Variants in XRCC2 observed in about 807,000 individuals in gnomAD.
XRCC2 encodes DNA repair protein XRCC2.
XRCC2 carries 24 observed loss-of-function variants against 27.3 expected under a neutral mutation model. The observed-to-expected ratio is 0.88, with a 90% CI of 0.64 to 1.24. XRCC2 has a LOEUF of 1.24. Among genes scored for constraint, XRCC2 ranks in the 50% most tolerant of loss-of-function variants. The pLI is 0.00. For synonymous variants in XRCC2, 106 were observed against 115.4 expected (o/e 0.92, Z 0.52); for missense variants, 321 against 325.8 (o/e 0.99, Z 0.11).
intron 1 of XRCC2, among the ~76,000 whole-genome samples, chr7:152,664,991 T>C (rs1432893975): frequency 6.6e-6 from 1 of 152,022 alleles, no homozygotes; most frequent in African/African-American, 2.4e-5. Context: ...ACGGGAAAAT[T>C]GCCCTACACG....
intron 2 of XRCC2, among the ~76,000 whole-genome samples, chr7:152,653,001 C>G (rs1030327534): frequency 2.0e-5 from 3 of 152,246 alleles, no homozygotes; most frequent in African/African-American, 7.2e-5. Flanking sequence ...GGTGCTCACA[C>G]TTAGCGTGGT....
At chr7:152,653,265 C>T (rs59879339) in intron 2 of XRCC2, among the ~76,000 whole-genome samples, 10,535 of 152,114 alleles carry the variant, frequency 0.069, 437 homozygotes, top group Middle Eastern at 0.12. Flanking sequence ...TTGCCTTCTG[C>T]AATGATTGTG....
chr7:152,649,385 C>A, intron 2 of XRCC2, 22 bp from the exon 3 acceptor site: 1 of 1,535,054 alleles, frequency 6.5e-7, no homozygotes, highest in South Asian at 1.3e-5. Context: ...TTAAAAATCT[C>A]AGTCAAAATG....
chr7:152,648,795 T>C lies in XRCC2; in HGVS notation c.690A>G (p.Ala230=), dbSNP rs2116987196. ...TCCTGTGCTTCACCAGTTGCTGCCA[T>C]GCCTTACAGAGATAAGGTCTGTAGT... The part of the protein sequence containing the change: ...DIDYRPYLCK[A]WQQLVKHRMF... The change falls in exon 3 of 3, where the codon GCA becomes GCG. Residue 230 remains alanine (A), a synonymous_variant. Transcript: ENST00000359321. 1 of 1,614,232 alleles carries C rather than the reference T, an allele frequency of 6.2e-7. No individual in the cohort carries two copies.
chr7:152,662,486 C>T (rs986526711), intron 1 of XRCC2, among the ~76,000 whole-genome samples: 3 of 149,176 alleles, frequency 2.0e-5, no homozygotes, highest in African/African-American at 7.4e-5. Context: ...TGGGAATCAG[C>T]ACAGATTTGA....
rs893159222 is a variant in XRCC2 at position 152,648,458 on chromosome 7, C to T, written c.*184G>A. 14 of 493,982 alleles carry T rather than the reference C, an allele frequency of 2.8e-5. No homozygotes were observed. The highest frequency in any genetic ancestry group is 1.2e-4 in the South Asian group (2 of 16,920). The allele number at this position is 493,982 out of a possible 1,614,324, so 30.6% of individuals were successfully genotyped here. On this transcript the variant is annotated 3_prime_UTR_variant, in exon 3 of 3. Coordinates refer to ENST00000359321, the MANE Select transcript of XRCC2 (RefSeq NM_005431.2). Reference sequence around the variant, plus strand: ...ACTTTTGGCCACGAGCAGTGGCTCACGCCTGTAATCCCTGCACTCTAGGAG... The same window carrying T: ...ACTTTTGGCCACGAGCAGTGGCTCATGCCTGTAATCCCTGCACTCTAGGAG...
At chr7:152,675,809 G>A (rs1313643899) in intron 1 of XRCC2, among the ~76,000 whole-genome samples, 1 of 152,090 alleles carries the variant, frequency 6.6e-6, no homozygotes, top group Non-Finnish European at 1.5e-5. Context: ...CTCCACCTCC[G>A]CCCGGTCCTC....
rs1052878589 is a variant in XRCC2 at position 152,645,870 on chromosome 7, T to C, written c.*2772A>G. On this transcript the variant is annotated 3_prime_UTR_variant, in exon 3 of 3. Transcript: ENST00000359321. ...AGTTCGAGGCTGCAGTGAGTTATGA[T>C]GCCACTGCACTCCAGCCTGGGCAAC... 1 of 152,112 alleles carries C rather than the reference T, an allele frequency of 6.6e-6. No individual in the cohort carries two copies. The highest frequency in any genetic ancestry group is 1.5e-5 in the Non-Finnish European group (1 of 68,020). The allele number at this position is 152,112 out of a possible 1,614,324, so 9.4% of individuals were successfully genotyped here.
rs549018609 is a variant in XRCC2, at chr7:152,661,333, G to T, written c.40-551C>A. 5.3e-5 allele frequency among the ~76,000 whole-genome samples: 8 copies of T among 152,256 alleles called. No homozygotes were observed. In the East Asian group the frequency reaches 1.5e-3, roughly 29 times the overall value. On this transcript the variant is annotated intron_variant, in intron 1 of 2. Transcript: ENST00000359321. ...TTAGGATATAAGACAAACTGCTATG[G>T]CAAAATTTTTACCTTCCTTGTAATT...
chr7:152,675,230 G>A (rs2098040390), intron 1 of XRCC2, among the ~76,000 whole-genome samples: 1 of 151,898 alleles, frequency 6.6e-6, no homozygotes. Context: ...GACTGTCTCC[G>A]CTCTGAATGT....
At chr7:152,660,912 T>A in intron 1 of XRCC2, 130 bp from the exon 2 acceptor site, 1 of 742,676 alleles carries the variant, frequency 1.3e-6, no homozygotes, top group African/African-American at 1.8e-5. Flanking sequence ...CTCACACCTG[T>A]AATCCCAATA....
At chr7:152,673,731 C>T (rs900291807) in intron 1 of XRCC2, among the ~76,000 whole-genome samples, 2 of 151,984 alleles carry the variant, frequency 1.3e-5, no homozygotes, top group East Asian at 1.9e-4. Context: ...AATAAATTAG[C>T]CGGGCATGGT....
intron 2 of XRCC2, among the ~76,000 whole-genome samples, chr7:152,658,589 T>A (rs1012975962): frequency 6.6e-6 from 1 of 152,166 alleles, no homozygotes; most frequent in African/African-American, 2.4e-5. Flanking sequence ...ATGACTCCCT[T>A]CCCCCGCCTC....
rs1491005602 is a variant in XRCC2 at position 152,663,853 on chromosome 7, C to CA, written c.40-3072_40-3071insT. 6.6e-5 allele frequency: 10 copies of CA among 152,166 alleles called. No homozygotes were observed. In the East Asian group the frequency reaches 1.9e-3, roughly 29 times the overall value. 9.4% of individuals were successfully genotyped at this position (152,166 alleles called of 1,614,324 possible). Reference sequence around the variant, plus strand: ...GACCCTGTCCCCCTGCCCCCCCCCCCCAAAAATAGTCTCTGTTTACAAGAG... The same window carrying CA: ...GACCCTGTCCCCCTGCCCCCCCCCCCACAAAAATAGTCTCTGTTTACAAGAG... On this transcript the variant is annotated intron_variant, in intron 1 of 2. Coordinates refer to ENST00000359321, the MANE Select transcript of XRCC2 (RefSeq NM_005431.2).
chr7:152,670,482 C>G (rs1169987319), intron 1 of XRCC2, among the ~76,000 whole-genome samples: 1 of 152,184 alleles, frequency 6.6e-6, no homozygotes, highest in Admixed American at 6.6e-5. Context: ...TTGATGCAAA[C>G]CTCTATTACA....
chr7:152,672,750 T>C (rs1203322201), intron 1 of XRCC2, among the ~76,000 whole-genome samples: 1 of 152,228 alleles, frequency 6.6e-6, no homozygotes, highest in African/African-American at 2.4e-5. Context: ...ATTGGAATTT[T>C]CTGCCATGTA....
At chr7:152,664,649 C>T (rs2098034806) in intron 1 of XRCC2, among the ~76,000 whole-genome samples, 1 of 152,166 alleles carries the variant, frequency 6.6e-6, no homozygotes, top group African/African-American at 2.4e-5. Context: ...CTGAATTACA[C>T]CACAGGCTTT....
At position 152,647,694 on chromosome 7, in the gene XRCC2, A is replaced by T. The variant is rs536089713; in HGVS notation, c.*948T>A. ...CTTGTTTTTGTCAGGTTCATCGAAG[A>T]TCAAAAAAATTATAGGTGTGTGGTC... On this transcript the variant is annotated 3_prime_UTR_variant, in exon 3 of 3. Coordinates refer to ENST00000359321, the MANE Select transcript of XRCC2 (RefSeq NM_005431.2). 6.6e-6 allele frequency: 1 copy of T among 152,322 alleles called. No individual in the cohort carries two copies. The highest frequency in any genetic ancestry group is 1.9e-4 in the East Asian group (1 of 5,186). The allele number at this position is 152,322 out of a possible 1,614,324, so 9.4% of individuals were successfully genotyped here.
chr7:152,667,573 T>C (rs1371213422), intron 1 of XRCC2, among the ~76,000 whole-genome samples: 2 of 151,908 alleles, frequency 1.3e-5, no homozygotes, highest in Non-Finnish European at 2.9e-5. Flanking sequence ...GGAGAAAAAC[T>C]GTCCACCACT....
Sources: gnomAD v4.1 joint callset for allele counts (sites outside exome capture counted in the v4.1 genomes callset) on GRCh38, gnomAD v4.1.1 for gene constraint, MANE v1.5 for transcripts, NCBI Gene and HGNC (gene_info 2026-07-23, HGNC 2026-07-21) for gene names.